Variants in RAC1 observed in about 807,000 individuals in gnomAD.
RAC1 encodes Rac family small GTPase 1.
In RAC1, 2 loss-of-function variants were observed where a neutral mutation model predicts 25.2. The observed-to-expected ratio is 0.08, with a 90% CI of 0.03 to 0.25. The LOEUF (loss-of-function observed/expected upper bound fraction) is 0.25. Among genes scored for constraint, RAC1 ranks in the 10% least tolerant of loss-of-function variants. The probability of loss-of-function intolerance (pLI) is 1.00; values close to 1 mark genes in which losing one functional copy is unlikely to be tolerated. For missense variants in RAC1, 50 were observed against 235.7 expected, an observed-to-expected ratio of 0.21 and a Z score of 5.16; for synonymous variants, 88 against 94.0, an observed-to-expected ratio of 0.94 and a Z score of 0.37.
At chr7:6,396,581 G>T (rs997084478) in intron 3 of RAC1, among the ~76,000 whole-genome samples, 8 of 152,296 alleles carry the variant, frequency 5.3e-5, no homozygotes, top group Admixed American at 3.3e-4. Flanking sequence ...AGGCTCTTTG[G>T]AAGCTGCATT....
In RAC1 at chr7:6,402,964, G is replaced by A. The variant is rs897613835; in HGVS notation, c.*518G>A. 4 of 190,690 alleles carry A rather than the reference G, an allele frequency of 2.1e-5. No homozygotes were observed. The highest frequency in any genetic ancestry group is 7.0e-5 in the African/African-American group (3 of 42,906). 11.8% of individuals were successfully genotyped at this position (190,690 alleles called of 1,614,324 possible). ...GAACTCACCAGTGAGTTAGCAGCAC[G>A]TGTTCCCGACATAACATTGTACTGT... On this transcript the variant is annotated 3_prime_UTR_variant, in exon 6 of 6. Coordinates refer to ENST00000348035, the MANE Select transcript of RAC1 (RefSeq NM_006908.5).
chr7:6,393,421 CAA>C (rs1242307455), intron 3 of RAC1, among the ~76,000 whole-genome samples: 1 of 152,270 alleles, frequency 6.6e-6, no homozygotes, highest in African/African-American at 2.4e-5. Context: ...TTCTGAGAAA[CAA>C]GAGCCACCCT....
chr7:6,383,784 C>CTTTTTTTTTTTTTTTTTTTTTTTTTT (rs34847745), intron 1 of RAC1, among the ~76,000 whole-genome samples: 1 of 39,770 alleles, frequency 2.5e-5, no homozygotes, highest in African/African-American at 8.5e-5. Context: ...CAACCTTTAT[C>CTTTTTTTTTTTTTTTTTTTTTTTTTT]TTTTTTTTTT....
rs1783361959 is a variant in RAC1 at position 6,400,332 on chromosome 7, T to G, written c.288+144T>G. 52 of 758,348 alleles carry G rather than the reference T, an allele frequency of 6.9e-5. No homozygotes were observed. In the South Asian group the frequency reaches 9.1e-4, roughly 13 times the overall value. The allele number at this position is 758,348 out of a possible 1,614,324, so 47.0% of individuals were successfully genotyped here. A position where few individuals can be genotyped will look rare whatever the true frequency, so the allele number is the denominator to read the frequency against. On this transcript the variant is annotated intron_variant, in intron 4 of 5. Coordinates refer to ENST00000348035, the MANE Select transcript of RAC1 (RefSeq NM_006908.5). ...CTACTTAAGTACATGATTGGGTTTT[T>G]TTTTTTCTTTTGAGACGGAGGTCTC... is the stretch of plus-strand genomic sequence containing the variant.
chr7:6,403,684 T>C lies in RAC1; in HGVS notation c.*1238T>C. The C allele has an allele frequency of 4.8e-6, 1 of 207,282 alleles. No individual in the cohort carries two copies. The highest frequency in any genetic ancestry group is 9.8e-6 in the Non-Finnish European group (1 of 101,578). 12.8% of individuals were successfully genotyped at this position (207,282 alleles called of 1,614,324 possible). On this transcript the variant is annotated 3_prime_UTR_variant, in exon 6 of 6. Transcript: ENST00000348035. ...ATTACCGACACTGTCACTTGACCAA[T>C]ACTGACCCTCTTTACCTCGCCCACG...
At chr7:6,376,436 G>C (rs1782596854) in intron 1 of RAC1, among the ~76,000 whole-genome samples, 1 of 151,288 alleles carries the variant, frequency 6.6e-6, no homozygotes, top group Admixed American at 6.6e-5. Context: ...CACCCGCCTG[G>C]GTCTCCCAGA....
chr7:6,402,008 A>T lies in RAC1; in HGVS notation c.429A>T (p.Leu143=), dbSNP rs368843939. 6.2e-7 allele frequency: 1 copy of T among 1,613,826 alleles called. No individual in the cohort carries two copies. The highest frequency in any genetic ancestry group is 1.3e-5 in the African/African-American group (1 of 74,918). ...CTCCCATCACCTATCCGCAGGGTCT[A>T]GCCATGGCTAAGGAGATTGGTATGG... ...KLTPITYPQG[L]AMAKEIGAVK... is the part of the protein sequence containing the mutation. Residue 143 remains leucine (L), a synonymous_variant, in exon 5 of 6, where the codon CTA becomes CTT. Transcript: ENST00000348035.
intron 3 of RAC1, among the ~76,000 whole-genome samples, chr7:6,397,260 A>G (rs940200280): frequency 2.0e-5 from 3 of 150,214 alleles, no homozygotes; most frequent in Non-Finnish European, 3.0e-5. Context: ...AAAGAAAAAA[A>G]AGAAAAAAAG....
Position 6,402,526 on chromosome 7 carries a change from A to AAAAC in RAC1, c.*83_*84insCAAA, listed in dbSNP as rs1554264367. 6,794 of 703,544 alleles carry AAAAC rather than the reference A, an allele frequency of 9.7e-3. 412 individuals are homozygous for AAAAC. The highest frequency in any genetic ancestry group is 0.065 in the Admixed American group (952 of 14,570). The allele number at this position is 703,544 out of a possible 1,614,324, so 43.6% of individuals were successfully genotyped here. ...TCAAAAAAAAACAAAAAAAAAAAACAAAAAAAAAAAACAACGGTGGAGCCT... is the reference window on the plus strand; with the variant it reads ...TCAAAAAAAAACAAAAAAAAAAAACAAAACAAAAAAAAAAACAACGGTGGAGCCT... On this transcript the variant is annotated 3_prime_UTR_variant, in exon 6 of 6. Transcript: ENST00000348035.
chr7:6,382,552 C>G (rs988904623), intron 1 of RAC1, among the ~76,000 whole-genome samples: 1 of 152,152 alleles, frequency 6.6e-6, no homozygotes, highest in South Asian at 2.1e-4. Flanking sequence ...TTACCCTACT[C>G]TCCTCAAAAA....
At chr7:6,383,153 C>T (rs1339138129) in intron 1 of RAC1, among the ~76,000 whole-genome samples, 1 of 152,138 alleles carries the variant, frequency 6.6e-6, no homozygotes, top group Non-Finnish European at 1.5e-5. Context: ...GTAGTAACTA[C>T]CAGAAATTCT....
chr7:6,381,350 A>G (rs921753260), intron 1 of RAC1, among the ~76,000 whole-genome samples: 8 of 149,058 alleles, frequency 5.4e-5, no homozygotes, highest in Admixed American at 1.3e-4. Flanking sequence ...TTTATGCACT[A>G]TCTTAATTTT....
intron 1 of RAC1, among the ~76,000 whole-genome samples, chr7:6,375,130 T>TC (rs144179322): frequency 0.19 from 29,143 of 151,926 alleles, 3,099 homozygotes; most frequent in Non-Finnish European, 0.24. Flanking sequence ...AGGGACCCTT[T>TC]ATTTTTTTTG....
At position 6,402,301 on chromosome 7, in the gene RAC1, T is replaced by C; in HGVS notation, c.449-15T>C. ...GGGTCGAGTGTACATTGCCGTGTGG[T>C]CGTGTTTCCTGTAGGTGCTGTAAAA... On this transcript the variant is annotated splice_polypyrimidine_tract_variant and intron_variant, in intron 5 of 5. Coordinates refer to ENST00000348035, the MANE Select transcript of RAC1 (RefSeq NM_006908.5). The C allele has an allele frequency of 6.3e-7, 1 of 1,596,676 alleles. No homozygotes were observed. The highest frequency in any genetic ancestry group is 1.7e-4 in the Middle Eastern group (1 of 5,820).
intron 3 of RAC1, among the ~76,000 whole-genome samples, chr7:6,396,165 G>C (rs1353963951): frequency 6.6e-6 from 1 of 152,206 alleles, no homozygotes; most frequent in East Asian, 1.9e-4. Flanking sequence ...CCGGTGACCG[G>C]AGACAGCCTG....
chr7:6,381,310 T>C (rs1782757789), intron 1 of RAC1, among the ~76,000 whole-genome samples: 6 of 152,168 alleles, frequency 3.9e-5, no homozygotes. Context: ...AGCTCAGTTG[T>C]ACATAGTGTC....
rs1554264365 is a variant in RAC1, at chr7:6,402,526, A to AAC, written c.*81_*82insCA. The AAC allele has an allele frequency of 1.1e-4, 76 of 703,964 alleles. 5 individuals are homozygous for AAC. Among genetic ancestry groups the AAC allele is most frequent in the Admixed American group, 4.1e-4 (6 of 14,662 alleles). 43.6% of individuals were successfully genotyped at this position (703,964 alleles called of 1,614,324 possible). A position where few individuals can be genotyped will look rare whatever the true frequency, so the allele number is the denominator to read the frequency against. On this transcript the variant is annotated 3_prime_UTR_variant, in exon 6 of 6. Transcript: ENST00000348035. ...TCAAAAAAAAACAAAAAAAAAAAACAAAAAAAAAAAACAACGGTGGAGCCT... is the reference window on the plus strand; with the variant it reads ...TCAAAAAAAAACAAAAAAAAAAAACAACAAAAAAAAAAACAACGGTGGAGCCT...
At chr7:6,377,689 C>T (rs1161383899) in intron 1 of RAC1, among the ~76,000 whole-genome samples, 4 of 152,064 alleles carry the variant, frequency 2.6e-5, no homozygotes, top group Non-Finnish European at 4.4e-5. Context: ...CCGAGGTGGG[C>T]GGTTCACCTG....
At chr7:6,376,154 T>C (rs1001906588) in intron 1 of RAC1, among the ~76,000 whole-genome samples, 2 of 142,808 alleles carry the variant, frequency 1.4e-5, no homozygotes, top group African/African-American at 5.0e-5. Flanking sequence ...GAAGGAGTAT[T>C]AGAGTATGTA....
Sources: allele counts gnomAD v4.1 joint callset (sites outside exome capture counted in the v4.1 genomes callset), GRCh38; gene constraint gnomAD v4.1.1; transcripts MANE v1.5; gene names NCBI Gene and HGNC (gene_info 2026-07-23, HGNC 2026-07-21).